WWOX: variants seen among roughly 807,000 people sequenced by gnomAD.
The protein encoded by WWOX is WW domain-containing oxidoreductase.
A neutral mutation model predicts 46.2 loss-of-function variants in WWOX; 69 were observed. The ratio of observed to expected loss-of-function variants is 1.49; its 90% CI spans 1.23 to 1.82. The LOEUF (loss-of-function observed/expected upper bound fraction) is 1.82, where lower values mean the gene tolerates loss of function less well. Among genes scored for constraint, WWOX ranks in the 40% most tolerant of loss-of-function variants. WWOX has a pLI of 0.00. For missense variants in WWOX, 919 were observed against 542.6 expected, an observed-to-expected ratio of 1.69 and a Z score of -6.89; for synonymous variants, 359 against 202.6, an observed-to-expected ratio of 1.77 and a Z score of -6.56.
intron 8 of WWOX, among the ~76,000 whole-genome samples, chr16:78,886,694 TGAAAA>T: frequency 6.7e-6 from 1 of 149,046 alleles, no homozygotes; most frequent in Non-Finnish European, 1.5e-5. Context: ...TAAATGTAAA[TGAAAA>T]GAAAAACATA....
chr16:78,961,061 C>T (rs2046261885), intron 8 of WWOX, among the ~76,000 whole-genome samples: 1 of 152,140 alleles, frequency 6.6e-6, no homozygotes, highest in South Asian at 2.1e-4. Context: ...TGATGACCCT[C>T]AGGCCCTTGA....
chr16:78,788,790 C>G (rs775994074), intron 8 of WWOX, among the ~76,000 whole-genome samples: 4 of 152,204 alleles, frequency 2.6e-5, no homozygotes, highest in African/African-American at 9.6e-5. Context: ...AAGTCTCTGA[C>G]TTGCTATTGG....
At chr16:78,548,529 C>T (rs898317026) in intron 8 of WWOX, among the ~76,000 whole-genome samples, 3 of 152,168 alleles carry the variant, frequency 2.0e-5, no homozygotes, top group African/African-American at 7.2e-5. Context: ...TTTAACAGTA[C>T]ATCACTGCCT....
intron 8 of WWOX, among the ~76,000 whole-genome samples, chr16:78,573,120 C>T (rs923423340): frequency 6.6e-6 from 1 of 151,416 alleles, no homozygotes; most frequent in Non-Finnish European, 1.5e-5. Context: ...CCCGTCTGTA[C>T]CAAAAATACA....
intron 8 of WWOX, among the ~76,000 whole-genome samples, chr16:78,517,666 G>A (rs1276819467): frequency 6.6e-6 from 1 of 152,060 alleles, no homozygotes; most frequent in Non-Finnish European, 1.5e-5. Context: ...CATGTCTGGT[G>A]GAAGCGCGAG....
chr16:79,147,705 A>G (rs540781103), intron 8 of WWOX, among the ~76,000 whole-genome samples: 24 of 152,188 alleles, frequency 1.6e-4, no homozygotes, highest in Non-Finnish European at 3.2e-4. Context: ...TTCCACCAGC[A>G]TTTGGTGATC....
Position 78,971,560 on chromosome 16 carries a change from C to T in WWOX, c.1057-240048C>T, listed in dbSNP as rs142791932. 1.4e-3 allele frequency among the ~76,000 whole-genome samples: 219 copies of T among 151,530 alleles called. 1 individual carries two copies. Among genetic ancestry groups the T allele is most frequent in the African/African-American group, 3.7e-3 (152 of 41,276 alleles). On this transcript the variant is annotated intron_variant, in intron 8 of 8. Coordinates refer to ENST00000566780, the MANE Select transcript of WWOX (RefSeq NM_016373.4). Reference sequence around the variant, plus strand: ...ATGGAGCACTCTAATGGATCCCTGACGGGTCAAATGGAGCAAAGTGTGCTT... The same window carrying T: ...ATGGAGCACTCTAATGGATCCCTGATGGGTCAAATGGAGCAAAGTGTGCTT...
At chr16:78,836,406 A>T (rs773841159) in intron 8 of WWOX, among the ~76,000 whole-genome samples, 24 of 152,138 alleles carry the variant, frequency 1.6e-4, no homozygotes, top group Non-Finnish European at 3.1e-4. Context: ...CCTGGGATTG[A>T]GGTCTCCTGA....
chr16:79,161,721 G>T (rs995615787), intron 8 of WWOX, among the ~76,000 whole-genome samples: 45 of 152,292 alleles, frequency 3.0e-4, no homozygotes, highest in African/African-American at 9.4e-4. Context: ...GTTTCACCAT[G>T]TTGGCCAGGC....
chr16:78,658,422 C>T (rs556562242), intron 8 of WWOX, among the ~76,000 whole-genome samples: 2 of 152,226 alleles, frequency 1.3e-5, no homozygotes, highest in East Asian at 3.9e-4. Context: ...AGTGTAGTTT[C>T]CCAGGGCTTC....
intron 8 of WWOX, among the ~76,000 whole-genome samples, chr16:79,056,683 C>A (rs575833067): frequency 7.7e-4 from 117 of 152,280 alleles, no homozygotes; most frequent in Non-Finnish European, 1.3e-3. Flanking sequence ...ATTGCCAATC[C>A]CCCTCCATTA....
At chr16:78,391,968 G>C (rs2082182648) in intron 6 of WWOX, among the ~76,000 whole-genome samples, 2 of 150,354 alleles carry the variant, frequency 1.3e-5, no homozygotes, top group Non-Finnish European at 3.0e-5. Flanking sequence ...TAAGGTCGAT[G>C]CATTTTTAAT....
At chr16:78,217,877 C>A (rs1323254061) in intron 5 of WWOX, among the ~76,000 whole-genome samples, 1 of 152,122 alleles carries the variant, frequency 6.6e-6, no homozygotes, top group African/African-American at 2.4e-5. Flanking sequence ...AGTCAAATGA[C>A]CCTCAAAGAT....
chr16:78,103,598 A>G (rs1057362461), intron 1 of WWOX, among the ~76,000 whole-genome samples: 2 of 152,156 alleles, frequency 1.3e-5, no homozygotes, highest in South Asian at 2.1e-4. Flanking sequence ...CTGATCTGTG[A>G]GCATCCTGGC....
chr16:79,178,179 A>G (rs1440987737), intron 8 of WWOX, among the ~76,000 whole-genome samples: 1 of 152,242 alleles, frequency 6.6e-6, no homozygotes, highest in Non-Finnish European at 1.5e-5. Context: ...CCATAGCACT[A>G]TCATAGTGCA....
chr16:79,120,549 C>A (rs1042653279), intron 8 of WWOX, among the ~76,000 whole-genome samples: 11 of 152,098 alleles, frequency 7.2e-5, no homozygotes, highest in Non-Finnish European at 2.9e-5. Flanking sequence ...AACTGAGTGA[C>A]GTAAAACAGC....
chr16:78,477,141 C>T (rs1321152269), intron 8 of WWOX, among the ~76,000 whole-genome samples: 1 of 152,150 alleles, frequency 6.6e-6, no homozygotes, highest in Admixed American at 6.5e-5. Context: ...GCACGTCTTA[C>T]AATCTAAATA....
intron 4 of WWOX, among the ~76,000 whole-genome samples, chr16:78,124,698 A>G (rs1254205059): frequency 6.6e-6 from 1 of 152,220 alleles, no homozygotes; most frequent in Non-Finnish European, 1.5e-5. Context: ...GAAGGGTTGC[A>G]TTGTGTGACA....
intron 5 of WWOX, among the ~76,000 whole-genome samples, chr16:78,266,501 C>G (rs1047135006): frequency 6.6e-6 from 1 of 152,190 alleles, no homozygotes; most frequent in Non-Finnish European, 1.5e-5. Flanking sequence ...CTTTGTTCTT[C>G]TTATTTGTCC....
Sources: allele counts gnomAD v4.1 joint callset (sites outside exome capture counted in the v4.1 genomes callset), GRCh38; gene constraint gnomAD v4.1.1; transcripts MANE v1.5; gene names NCBI Gene and HGNC (gene_info 2026-07-23, HGNC 2026-07-21).